The following CCDC148 variants were observed in gnomAD, a reference collection of about 807,000 sequenced individuals.
CCDC148 encodes the protein coiled-coil domain containing 148.
A neutral mutation model predicts 85.7 loss-of-function variants in CCDC148; 89 were observed. The ratio of observed to expected loss-of-function variants is 1.04; its 90% CI spans 0.87 to 1.24. The LOEUF (loss-of-function observed/expected upper bound fraction) is 1.24, where lower values mean the gene tolerates loss of function less well. Ranked by LOEUF, CCDC148 falls within the 50% of genes most tolerant of loss-of-function variation. CCDC148 has a pLI of 0.00. For missense variants in CCDC148, 692 were observed against 671.7 expected (o/e 1.03, Z -0.33); for synonymous variants, 230 against 213.9 (o/e 1.08, Z -0.66).
intron 11 of CCDC148, among the ~76,000 whole-genome samples, chr2:158,216,280 AT>A (rs952129512): frequency 6.6e-6 from 1 of 150,636 alleles, no homozygotes; most frequent in Non-Finnish European, 1.5e-5. Flanking sequence ...TAATGTCCTC[AT>A]TTTTACATGT....
At chr2:158,346,706 T>C (rs1026409296) in intron 2 of CCDC148, among the ~76,000 whole-genome samples, 9 of 152,202 alleles carry the variant, frequency 5.9e-5, no homozygotes, top group Admixed American at 1.3e-4. Context: ...TATTTCATAA[T>C]TTCTCTGCTG....
Position 158,425,183 on chromosome 2 carries a change from T to C in CCDC148, c.25+31232A>G, listed in dbSNP as rs1687018272. 7.6e-6 allele frequency: 4 copies of C among 528,688 alleles called. 1 individual carries two copies. The highest frequency in any genetic ancestry group is 5.6e-5 in the South Asian group (4 of 72,032). 32.7% of individuals were successfully genotyped at this position (528,688 alleles called of 1,614,324 possible). A position where few individuals can be genotyped will look rare whatever the true frequency, so the allele number is the denominator to read the frequency against. ...GTGGCTATGGCAGATATGATCATGC[T>C]GGGTATAACTATAGGAACCATGACT... On this transcript the variant is annotated intron_variant, in intron 1 of 13. Transcript: ENST00000283233.
chr2:158,308,019 T>C (rs1037979973), intron 9 of CCDC148, among the ~76,000 whole-genome samples: 1 of 152,196 alleles, frequency 6.6e-6, no homozygotes, highest in African/African-American at 2.4e-5. Context: ...GACAGTTACT[T>C]TATCAAGACA....
intron 9 of CCDC148, among the ~76,000 whole-genome samples, chr2:158,260,507 G>A (rs1238223087): frequency 1.3e-5 from 2 of 151,944 alleles, no homozygotes; most frequent in Non-Finnish European, 1.5e-5. Flanking sequence ...AGAAGTCCTA[G>A]CCAGAACAAT....
Position 158,183,377 on chromosome 2 carries a change from G to A in CCDC148, c.1371-4381C>T, listed in dbSNP as rs114691611. ...CAAATGTTTGGAAACACCTTGATCC[G>A]TAGTAACAGCTTCCCTGGGCTTCAC... On this transcript the variant is annotated intron_variant, in intron 11 of 13. Coordinates refer to ENST00000283233, the MANE Select transcript of CCDC148 (RefSeq NM_138803.4). Among the ~76,000 whole-genome samples, 334 of 152,194 alleles carry A rather than the reference G, an allele frequency of 2.2e-3. 2 individuals are homozygous for A. The East Asian group carries it at 0.025, about 11-fold the overall frequency.
chr2:158,425,674 A>C (rs1249220111), intron 1 of CCDC148, among the ~76,000 whole-genome samples: 1 of 152,184 alleles, frequency 6.6e-6, no homozygotes, highest in Non-Finnish European at 1.5e-5. Flanking sequence ...TGCGGAGAGA[A>C]TTGATCCATA....
At chr2:158,287,290 T>C (rs759356646) in intron 9 of CCDC148, among the ~76,000 whole-genome samples, 1 of 152,132 alleles carries the variant, frequency 6.6e-6, no homozygotes, top group Non-Finnish European at 1.5e-5. Context: ...AAATCTCATA[T>C]ACTCACATTT....
At chr2:158,304,641 T>A (rs1691597772) in intron 9 of CCDC148, among the ~76,000 whole-genome samples, 2 of 152,162 alleles carry the variant, frequency 1.3e-5, no homozygotes, top group Non-Finnish European at 2.9e-5. Context: ...ACCTATGAGC[T>A]TCCATTTAGG....
Position 158,176,675 on chromosome 2 carries a change from A to G in CCDC148, c.1489-14T>C, listed in dbSNP as rs1684605077. On this transcript the variant is annotated splice_polypyrimidine_tract_variant and intron_variant, in intron 12 of 13. Coordinates refer to ENST00000283233, the MANE Select transcript of CCDC148 (RefSeq NM_138803.4). ...AACAACAGCAACCTAAAAATGAGAA[A>G]GCATGGCTACTTGGAACAAGGTACA... 2 of 1,611,226 alleles carry G rather than the reference A, an allele frequency of 1.2e-6. No individual in the cohort carries two copies. The highest frequency in any genetic ancestry group is 1.7e-4 in the Middle Eastern group (1 of 5,878).
At chr2:158,301,906 A>T (rs1252899048) in intron 9 of CCDC148, among the ~76,000 whole-genome samples, 2 of 152,198 alleles carry the variant, frequency 1.3e-5, no homozygotes, top group Admixed American at 6.5e-5. Context: ...CTTTCAAAGG[A>T]TTGATTTCAA....
chr2:158,420,610 C>T (rs1686728816), intron 1 of CCDC148, among the ~76,000 whole-genome samples: 1 of 152,164 alleles, frequency 6.6e-6, no homozygotes, highest in African/African-American at 2.4e-5. Flanking sequence ...AAAAGAACAA[C>T]CAGTACCAGC....
At chr2:158,332,086 A>G (rs1399686611) in intron 7 of CCDC148, among the ~76,000 whole-genome samples, 1 of 152,098 alleles carries the variant, frequency 6.6e-6, no homozygotes, top group Non-Finnish European at 1.5e-5. Context: ...TAGTTGATGC[A>G]GTTTCTTCCT....
chr2:158,407,890 A>G (rs975144890), intron 1 of CCDC148, among the ~76,000 whole-genome samples: 2 of 152,216 alleles, frequency 1.3e-5, no homozygotes, highest in Non-Finnish European at 2.9e-5. Flanking sequence ...GTCAGTTACT[A>G]AAATATTAAA....
chr2:158,424,524 A>G (rs1574796826), intron 1 of CCDC148, among the ~76,000 whole-genome samples: 1 of 152,050 alleles, frequency 6.6e-6, no homozygotes, highest in Non-Finnish European at 1.5e-5. Context: ...CAATGAGAAC[A>G]CTTGGACACA....
chr2:158,285,154 G>C (rs1404117299), intron 9 of CCDC148, among the ~76,000 whole-genome samples: 5 of 152,026 alleles, frequency 3.3e-5, no homozygotes, highest in African/African-American at 1.2e-4. Context: ...CAGGTATGGT[G>C]GTGGGTGCCT....
At chr2:158,175,008 C>G (rs762267292) in intron 13 of CCDC148, among the ~76,000 whole-genome samples, 5 of 152,140 alleles carry the variant, frequency 3.3e-5, no homozygotes, top group South Asian at 2.1e-4. Flanking sequence ...GCCTTAGTAG[C>G]AAGACCTACT....
intron 10 of CCDC148, among the ~76,000 whole-genome samples, chr2:158,230,548 C>A (rs114929529): frequency 6.6e-6 from 1 of 151,982 alleles, no homozygotes; most frequent in Non-Finnish European, 1.5e-5. Flanking sequence ...AGACTAGAAG[C>A]GAGATTGGAG....
At chr2:158,327,918 T>C (rs1692866371) in intron 7 of CCDC148, among the ~76,000 whole-genome samples, 1 of 152,184 alleles carries the variant, frequency 6.6e-6, no homozygotes, top group Admixed American at 6.5e-5. Context: ...ACTCTGTTTC[T>C]TTCTTTCATG....
intron 13 of CCDC148, 139 bp from the exon 14 acceptor site, chr2:158,172,398 T>G (rs1684359476): frequency 1.5e-6 from 1 of 654,180 alleles, no homozygotes; most frequent in Non-Finnish European, 2.6e-6. Flanking sequence ...ATACAGTGAC[T>G]ATATTTTGGA....
Sources: allele counts gnomAD v4.1 joint callset (sites outside exome capture counted in the v4.1 genomes callset), GRCh38; gene constraint gnomAD v4.1.1; transcripts MANE v1.5; gene names NCBI Gene and HGNC (gene_info 2026-07-23, HGNC 2026-07-21).